Variants in DOCK3 observed in about 807,000 individuals in gnomAD.
The protein encoded by DOCK3 is dedicator of cytokinesis protein 3.
Under a neutral mutation model 265.6 loss-of-function variants are expected in DOCK3, and 60 were observed. That is an observed-to-expected ratio of 0.23 (90% CI 0.18 to 0.28). The LOEUF (loss-of-function observed/expected upper bound fraction) is 0.28, where lower values mean the gene tolerates loss of function less well. Among genes scored for constraint, DOCK3 ranks in the 10% least tolerant of loss-of-function variants. DOCK3 has a pLI of 1.00. For missense variants in DOCK3, 1,981 were observed against 2,594.3 expected (o/e 0.76, Z 5.14); for synonymous variants, 881 against 938.0 (o/e 0.94, Z 1.11).
chr3:50,695,078 T>C (rs1042012112), intron 1 of DOCK3, among the ~76,000 whole-genome samples: 3 of 152,234 alleles, frequency 2.0e-5, no homozygotes, highest in African/African-American at 7.2e-5. Context: ...AATGCAATCT[T>C]TTTAGAAGCT....
intron 5 of DOCK3, among the ~76,000 whole-genome samples, chr3:50,997,664 G>A (rs1251824473): frequency 6.6e-6 from 1 of 152,170 alleles, no homozygotes; most frequent in Non-Finnish European, 1.5e-5. Context: ...TGACACCTGA[G>A]ACATTGTGCT....
chr3:50,785,353 T>C (rs556103737), intron 2 of DOCK3, among the ~76,000 whole-genome samples: 30 of 152,182 alleles, frequency 2.0e-4, no homozygotes, highest in Non-Finnish European at 3.8e-4. Context: ...TCCAGTACTA[T>C]GTTGAAGAGA....
At chr3:51,255,991 T>A (rs2079524558) in intron 22 of DOCK3, among the ~76,000 whole-genome samples, 1 of 152,006 alleles carries the variant, frequency 6.6e-6, no homozygotes, top group Admixed American at 6.5e-5. Flanking sequence ...TTTCTCCCCA[T>A]CTTTGTGGTT....
Position 51,374,490 on chromosome 3 carries a change from A to G in DOCK3, c.5315A>G (p.Lys1772Arg). The change falls in exon 50 of 53, where the codon AAG (lysine) becomes AGG (arginine). Residue 1772 changes from lysine to arginine, a missense_variant. Physicochemically the swap from Lys to Arg is conservative, Grantham distance 26. Around this residue, in one of 4 missense-constraint regions of DOCK3, gnomAD observed 1,357 missense variants for 1,866.8 expected, o/e 0.73. Coordinates refer to ENST00000266037, the MANE Select transcript of DOCK3 (RefSeq NM_004947.5). This position sits in a 1 kb window ranked among gnomAD's most constrained non-coding sequence, Gnocchi z 4.8. ...SARGSPSLPD[K>R]YRHAREMMLL... is the part of the protein sequence containing the mutation. ...ACAGGCTCTCCCTCTCTGCCAGATA[A>G]GTACCGCCATGCCCGTGAAATGATG... 1 of 1,613,660 alleles carries G rather than the reference A, an allele frequency of 6.2e-7. No homozygotes were observed. The highest frequency in any genetic ancestry group is 8.5e-7 in the Non-Finnish European group (1 of 1,179,758).
At chr3:51,224,084 G>A (rs2090217011) in intron 14 of DOCK3, among the ~76,000 whole-genome samples, 1 of 152,162 alleles carries the variant, frequency 6.6e-6, no homozygotes, top group African/African-American at 2.4e-5. Context: ...TGGCATTTTG[G>A]TATGATTTTC....
rs1400900855 is a variant in DOCK3 at position 51,315,084 on chromosome 3, G to A, written c.3358G>A (p.Asp1120Asn). 1.2e-6 allele frequency: 2 copies of A among 1,612,206 alleles called. No homozygotes were observed. Among genetic ancestry groups the A allele is most frequent in the African/African-American group, 2.7e-5 (2 of 74,852 alleles). Residue 1120 changes from aspartate (D) to asparagine (N), a missense_variant, in exon 32 of 53, where the codon GAC (aspartate) becomes AAC (asparagine). Asp to Asn is a conservative substitution (Grantham distance 23). Around this residue, in one of 4 missense-constraint regions of DOCK3, gnomAD observed 1,357 missense variants for 1,866.8 expected, o/e 0.73. Coordinates refer to ENST00000266037, the MANE Select transcript of DOCK3 (RefSeq NM_004947.5). ...GAATATCATGATTCCCATCTTTCAT[G>A]ACATGATGGACTGGGAGCAGAGAAA... ...VRNIMIPIFH[D>N]MMDWEQRKNG...
chr3:51,327,596 T>C (rs183634034), intron 32 of DOCK3, among the ~76,000 whole-genome samples: 16 of 152,232 alleles, frequency 1.1e-4, no homozygotes, highest in Admixed American at 3.3e-4. Context: ...TTCAGATTTC[T>C]AGATTTCTCC....
chr3:50,816,285 T>G (rs935280040), intron 2 of DOCK3, among the ~76,000 whole-genome samples: 11 of 151,808 alleles, frequency 7.2e-5, no homozygotes, highest in Admixed American at 6.6e-5. Flanking sequence ...TTTTTAGGAT[T>G]ATTTTCTCCC....
rs373654825 is a variant in DOCK3 at position 51,346,856 on chromosome 3, C to T, written c.3916-1996C>T. On this transcript the variant is annotated intron_variant, in intron 38 of 52. Coordinates refer to ENST00000266037, the MANE Select transcript of DOCK3 (RefSeq NM_004947.5). ...CTAACTGGTGTGAGATGGTATCTCA[C>T]TGTGGTTTTGATTTGCATTTCTCTG... is the stretch of plus-strand genomic sequence containing the variant. Among the ~76,000 whole-genome samples the T allele has an allele frequency of 3.3e-5, 5 of 152,122 alleles. No homozygotes were observed. In the East Asian group the frequency reaches 5.8e-4, roughly 18 times the overall value.
At chr3:51,036,179 T>C (rs1421456311) in intron 5 of DOCK3, among the ~76,000 whole-genome samples, 2 of 152,152 alleles carry the variant, frequency 1.3e-5, no homozygotes, top group Non-Finnish European at 2.9e-5. Flanking sequence ...TCTCATATGA[T>C]TGGTGTTTTG....
chr3:50,776,053 G>A (rs2041577430), intron 1 of DOCK3, among the ~76,000 whole-genome samples: 1 of 152,156 alleles, frequency 6.6e-6, no homozygotes, highest in South Asian at 2.1e-4. Context: ...AAATATGCAT[G>A]TGGATGTGTC....
chr3:51,120,812 C>T (rs895487819), intron 9 of DOCK3, among the ~76,000 whole-genome samples: 1 of 152,156 alleles, frequency 6.6e-6, no homozygotes, highest in Non-Finnish European at 1.5e-5. Flanking sequence ...GGATATCCCT[C>T]CTGCCACCAA....
intron 6 of DOCK3, among the ~76,000 whole-genome samples, chr3:51,068,936 C>T (rs981518512): frequency 1.3e-5 from 2 of 152,096 alleles, no homozygotes; most frequent in Middle Eastern, 3.2e-3. Flanking sequence ...TTAATTTAGT[C>T]AGGAGCTCTC....
At chr3:50,972,019 G>C in intron 5 of DOCK3, among the ~76,000 whole-genome samples, 1 of 152,210 alleles carries the variant, frequency 6.6e-6, no homozygotes. Context: ...CACTCAGATT[G>C]GACAGACAAT....
chr3:50,887,085 G>T (rs2048381562), intron 3 of DOCK3, among the ~76,000 whole-genome samples: 2 of 151,886 alleles, frequency 1.3e-5, no homozygotes, highest in Non-Finnish European at 2.9e-5. Context: ...CTGGTTTTTT[G>T]AAAAGATCAA....
At chr3:51,379,184 G>T (rs2088392046) in intron 51 of DOCK3, among the ~76,000 whole-genome samples, 1 of 152,172 alleles carries the variant, frequency 6.6e-6, no homozygotes, top group Non-Finnish European at 1.5e-5. Context: ...TTCACTCCTT[G>T]CTGCACATTC....
chr3:50,681,108 A>C (rs1239364779), intron 1 of DOCK3, among the ~76,000 whole-genome samples: 7 of 152,068 alleles, frequency 4.6e-5, no homozygotes, highest in Admixed American at 4.6e-4. Context: ...CTTATGTTTA[A>C]GTTTTTAATC....
intron 25 of DOCK3, among the ~76,000 whole-genome samples, chr3:51,276,116 G>A (rs2080805081): frequency 6.6e-6 from 1 of 152,128 alleles, no homozygotes; most frequent in African/African-American, 2.4e-5. Flanking sequence ...GAGTGGGAGA[G>A]GCACCTTAAA....
chr3:51,073,273 A>T (rs1032044471), intron 6 of DOCK3, among the ~76,000 whole-genome samples: 1 of 152,086 alleles, frequency 6.6e-6, no homozygotes, highest in African/African-American at 2.4e-5. Flanking sequence ...CCATATCTCT[A>T]TAAAAGTATT....
Sources: allele counts gnomAD v4.1 joint callset (sites outside exome capture counted in the v4.1 genomes callset), GRCh38; gene constraint gnomAD v4.1.1; regional missense constraint gnomAD v4.1.1; non-coding constraint Gnocchi (gnomAD v3.1); transcripts MANE v1.5; gene names NCBI Gene and HGNC (gene_info 2026-07-23, HGNC 2026-07-21).